Variants in LMCD1 observed in about 807,000 individuals in gnomAD.
LMCD1 encodes the protein LIM and cysteine rich domains 1, also known as LIM and cysteine-rich domains protein 1.
LMCD1 carries 32 observed loss-of-function variants against 42.7 expected under a neutral mutation model. That is an observed-to-expected ratio of 0.75 (90% CI 0.57 to 1.01). The LOEUF is 1.01. Ranked by LOEUF, LMCD1 falls within the 50% of genes least tolerant of loss-of-function variation. LMCD1 has a pLI of 0.00. For synonymous variants in LMCD1, 178 were observed against 184.9 expected (o/e 0.96, Z 0.30); for missense variants, 458 against 483.1 (o/e 0.95, Z 0.49).
chr3:8,507,036 C>T (rs1474661932), intron 1 of LMCD1, among the ~76,000 whole-genome samples: 1 of 152,198 alleles, frequency 6.6e-6, no homozygotes, highest in Non-Finnish European at 1.5e-5. Flanking sequence ...TAGAAATATC[C>T]TCATATCCCC....
intron 5 of LMCD1, among the ~76,000 whole-genome samples, 180 bp downstream of exon 5, chr3:8,565,827 C>T (rs865934778): frequency 2.6e-5 from 4 of 152,218 alleles, no homozygotes; most frequent in Admixed American, 2.6e-4. Flanking sequence ...AGGCAGACAA[C>T]CATGGGATTG....
At chr3:8,510,499 A>G (rs1693974906) in intron 1 of LMCD1, among the ~76,000 whole-genome samples, 1 of 152,190 alleles carries the variant, frequency 6.6e-6, no homozygotes, top group African/African-American at 2.4e-5. Flanking sequence ...TAAATTAGGA[A>G]AAGTATTGCA....
chr3:8,559,079 A>C (rs951049133), intron 4 of LMCD1, among the ~76,000 whole-genome samples: 4 of 150,154 alleles, frequency 2.7e-5, no homozygotes, highest in Admixed American at 2.7e-4. Flanking sequence ...GCAGGGGATG[A>C]GTGGAGCTGA....
In LMCD1 at chr3:8,501,826, C is replaced by T. The variant is rs944393384; in HGVS notation, c.-113C>T. On this transcript the variant is annotated 5_prime_UTR_variant, in exon 1 of 6. Coordinates refer to ENST00000157600, the MANE Select transcript of LMCD1 (RefSeq NM_014583.4). ...CGGCCCAGCTGCGCCTGGCTGCGCACAGAGCTCCCTCCCAGGCCCGCGAAC... is the reference window on the plus strand; with the variant it reads ...CGGCCCAGCTGCGCCTGGCTGCGCATAGAGCTCCCTCCCAGGCCCGCGAAC... 1 of 890,074 alleles carries T rather than the reference C, an allele frequency of 1.1e-6. No homozygotes were observed. The highest frequency in any genetic ancestry group is 1.8e-5 in the African/African-American group (1 of 56,798). The allele number at this position is 890,074 out of a possible 1,614,324, so 55.1% of individuals were successfully genotyped here. A position where few individuals can be genotyped will look rare whatever the true frequency, so the allele number is the denominator to read the frequency against.
chr3:8,555,502 T>C (rs1314643375), intron 4 of LMCD1, among the ~76,000 whole-genome samples: 2 of 152,154 alleles, frequency 1.3e-5, no homozygotes, highest in Non-Finnish European at 2.9e-5. Flanking sequence ...CCGCCACCCC[T>C]GGCTCAGGCA....
intron 1 of LMCD1, among the ~76,000 whole-genome samples, chr3:8,512,427 T>C (rs979714164): frequency 1.1e-4 from 16 of 152,230 alleles, no homozygotes; most frequent in Admixed American, 7.8e-4. Flanking sequence ...CAGTTGTACA[T>C]GGTACATTAA....
intron 4 of LMCD1, among the ~76,000 whole-genome samples, chr3:8,554,627 C>G (rs2125035617): frequency 6.6e-6 from 1 of 152,288 alleles, no homozygotes; most frequent in East Asian, 1.9e-4. Context: ...TCACACCAGG[C>G]TGGTGGGAGC....
At chr3:8,549,732 TGAG>T in intron 4 of LMCD1, 1 of 688,306 alleles carries the variant, frequency 1.5e-6, no homozygotes, top group East Asian at 2.7e-5. Context: ...CTGTGGAGGC[TGAG>T]AAGTCCAAGG....
intron 1 of LMCD1, among the ~76,000 whole-genome samples, chr3:8,511,495 A>G (rs1020360224): frequency 6.6e-6 from 1 of 152,218 alleles, no homozygotes; most frequent in African/African-American, 2.4e-5. Flanking sequence ...CATGTGTGGG[A>G]CTGAGAGAGA....
rs3774215 is a variant in LMCD1, at chr3:8,553,442, G to A, written c.723+4539G>A. Among the ~76,000 whole-genome samples the A allele has an allele frequency of 2.0e-3, 301 of 152,340 alleles. 2 individuals carry two copies. The East Asian group carries it at 0.037, about 19-fold the overall frequency. ...TATGGAATTCCTACTAAGGGGCCAT[G>A]TTCTGAGTGAGCCCAGATAACAGTG... On this transcript the variant is annotated intron_variant, in intron 4 of 5. Coordinates refer to ENST00000157600, the MANE Select transcript of LMCD1 (RefSeq NM_014583.4).
Position 8,572,636 on chromosome 3 carries a change from C to T in LMCD1, c.*5038C>T, listed in dbSNP as rs1482157158. 6.6e-6 allele frequency: 1 copy of T among 152,180 alleles called. No homozygotes were observed. Among genetic ancestry groups the T allele is most frequent in the African/African-American group, 2.4e-5 (1 of 41,446 alleles). 9.4% of individuals were successfully genotyped at this position (152,180 alleles called of 1,614,324 possible). Reference sequence around the variant, plus strand: ...CATTTATTAATTCACATATTTACATCAGCTTGGAGTTATTGATTTCTATTT... The same window carrying T: ...CATTTATTAATTCACATATTTACATTAGCTTGGAGTTATTGATTTCTATTT... On this transcript the variant is annotated 3_prime_UTR_variant, in exon 6 of 6. Transcript: ENST00000157600.
At chr3:8,551,443 G>T (rs1269028629) in intron 4 of LMCD1, among the ~76,000 whole-genome samples, 6 of 152,214 alleles carry the variant, frequency 3.9e-5, no homozygotes, top group Admixed American at 3.3e-4. Flanking sequence ...CTGGTAGGAT[G>T]AATTTTACCA....
At chr3:8,516,848 C>A (rs1019541563) in intron 1 of LMCD1, among the ~76,000 whole-genome samples, 4 of 152,224 alleles carry the variant, frequency 2.6e-5, no homozygotes, top group Admixed American at 6.5e-5. Context: ...CTCTACTCCT[C>A]AGAACCAAAA....
At chr3:8,520,405 C>T (rs143839435) in intron 1 of LMCD1, among the ~76,000 whole-genome samples, 137 of 152,256 alleles carry the variant, frequency 9.0e-4, no homozygotes, top group African/African-American at 3.2e-3. Flanking sequence ...CTAAGAACCA[C>T]AAAACCAATT....
intron 4 of LMCD1, among the ~76,000 whole-genome samples, chr3:8,560,237 A>C (rs1695008709): frequency 6.6e-6 from 1 of 152,162 alleles, no homozygotes; most frequent in Non-Finnish European, 1.5e-5. Flanking sequence ...CCATCTCTAC[A>C]AAAAATTTAA....
At chr3:8,524,080 T>G (rs1019971773) in intron 1 of LMCD1, among the ~76,000 whole-genome samples, 16 of 152,142 alleles carry the variant, frequency 1.1e-4, no homozygotes, top group African/African-American at 3.9e-4. Flanking sequence ...AGTCTTCCTT[T>G]TTTTTAAACT....
chr3:8,548,138 G>A (rs959074351), intron 3 of LMCD1, among the ~76,000 whole-genome samples: 6 of 152,156 alleles, frequency 3.9e-5, no homozygotes, highest in Non-Finnish European at 8.8e-5. Flanking sequence ...GTGGCCCATC[G>A]TGGACTGAAA....
intron 4 of LMCD1, chr3:8,550,303 T>C (rs1331672567): frequency 1.0e-6 from 1 of 1,003,566 alleles, no homozygotes; most frequent in African/African-American, 1.8e-5. Context: ...CTTCATTTGT[T>C]TCTATGGCAA....
chr3:8,537,370 C>T lies in LMCD1; in HGVS notation c.317C>T (p.Ala106Val), dbSNP rs764870233. Residue 106 changes from alanine to valine, a missense_variant, in exon 3 of 6, where the codon GCT (alanine) becomes GTT (valine). Ala to Val is a moderately conservative substitution (Grantham distance 64). Transcript: ENST00000157600. ...RNRMIMTNPI[A>V]TGKDPTFDTI... The stretch of plus-strand genomic sequence containing the variant: ...CGGATGATCATGACCAACCCTATTG[C>T]TACTGGGAAAGATCCCACTTTTGAC... The T allele has an allele frequency of 1.2e-6, 2 of 1,612,604 alleles. No homozygotes were observed. The highest frequency in any genetic ancestry group is 2.2e-5 in the South Asian group (2 of 91,030).
Sources: gnomAD v4.1 joint callset for allele counts (sites outside exome capture counted in the v4.1 genomes callset) on GRCh38, gnomAD v4.1.1 for gene constraint, MANE v1.5 for transcripts, NCBI Gene and HGNC (gene_info 2026-07-23, HGNC 2026-07-21) for gene names.